Variants in ACSL4 observed in about 807,000 individuals in gnomAD.
The protein encoded by ACSL4 is acyl-CoA synthetase long chain family member 4, also known as long-chain-fatty-acid--CoA ligase 4.
Under a neutral mutation model 49.1 loss-of-function variants are expected in ACSL4, and 9 were observed. That is an observed-to-expected ratio of 0.18 (90% CI 0.11 to 0.32). The LOEUF (loss-of-function observed/expected upper bound fraction) is 0.32. Among genes scored for constraint, ACSL4 ranks in the 10% least tolerant of loss-of-function variants. ACSL4 has a pLI of 1.00. For synonymous variants in ACSL4, 191 were observed against 170.3 expected, an observed-to-expected ratio of 1.12 and a Z score of -0.95; for missense variants, 333 against 493.7, an observed-to-expected ratio of 0.67 and a Z score of 3.08.
At chrX:109,648,202 C>T (rs1303863965) in intron 15 of ACSL4, among the ~76,000 whole-genome samples, 2 of 111,310 alleles carry the variant, frequency 1.8e-5, no homozygotes, top group African/African-American at 6.5e-5. Flanking sequence ...GATACCAAAG[C>T]CTGGCAGAGA....
intron 15 of ACSL4, among the ~76,000 whole-genome samples, chrX:109,648,292 C>T (rs1469682687): frequency 6.3e-5 from 7 of 111,214 alleles, no homozygotes; most frequent in East Asian, 2.8e-4. Flanking sequence ...ACTGGCAAAC[C>T]GAATCCAGCA....
At chrX:109,645,897 C>A (rs542444786) in intron 15 of ACSL4, among the ~76,000 whole-genome samples, 2 of 111,856 alleles carry the variant, frequency 1.8e-5, no homozygotes, top group Admixed American at 1.9e-4. Context: ...GGAGCCGATG[C>A]GATCAACTGG....
At chrX:109,666,702 G>T (rs921267055) in intron 11 of ACSL4, among the ~76,000 whole-genome samples, 6 of 111,907 alleles carry the variant, frequency 5.4e-5, no homozygotes, top group Non-Finnish European at 1.1e-4. Flanking sequence ...ATCACCTGAG[G>T]TCAGGAGTTC....
chrX:109,729,270 A>G (rs1928247560), intron 1 of ACSL4, among the ~76,000 whole-genome samples: 1 of 112,038 alleles, frequency 8.9e-6, no homozygotes, highest in South Asian at 3.7e-4. Flanking sequence ...ATCCAAATAG[A>G]AAATGGACAA....
chrX:109,711,029 A>G lies in ACSL4; in HGVS notation c.-65-14833T>C, dbSNP rs143322798. Among the ~76,000 whole-genome samples the G allele has an allele frequency of 5.1e-3, 581 of 112,938 alleles. 3 individuals carry two copies. Among genetic ancestry groups the G allele is most frequent in the African/African-American group, 0.018 (552 of 31,116 alleles). On this transcript the variant is annotated intron_variant, in intron 1 of 15. Coordinates refer to ENST00000672401, the MANE Select transcript of ACSL4 (RefSeq NM_001318510.2). ...CTCAGCCTAACTTTAAAAATCAGAG[A>G]AAAGGATATTGCCAAGTTAACTTTA...
chrX:109,660,599 G>A (rs1369227156), intron 14 of ACSL4, among the ~76,000 whole-genome samples: 1 of 111,724 alleles, frequency 9.0e-6, no homozygotes, highest in Admixed American at 9.5e-5. Flanking sequence ...CCACATAATT[G>A]AAAGCAGGAT....
At chrX:109,713,393 T>G (rs1201387795) in intron 1 of ACSL4, among the ~76,000 whole-genome samples, 3 of 112,040 alleles carry the variant, frequency 2.7e-5, no homozygotes, top group African/African-American at 9.7e-5. Flanking sequence ...TCCTGGAAGG[T>G]AAGTTTGTCA....
chrX:109,722,418 C>A (rs973167358), intron 1 of ACSL4, among the ~76,000 whole-genome samples: 4 of 111,848 alleles, frequency 3.6e-5, no homozygotes, highest in African/African-American at 9.7e-5. Flanking sequence ...CAAAAGAATA[C>A]AACTACACAC....
At chrX:109,681,858 T>C (rs1178433188) in intron 4 of ACSL4, among the ~76,000 whole-genome samples, 3 of 111,854 alleles carry the variant, frequency 2.7e-5, no homozygotes, top group African/African-American at 9.7e-5. Flanking sequence ...GAGTCCAATG[T>C]CCAATGTGAT....
Position 109,661,587 on chromosome X carries a change from T to C in ACSL4, c.1641A>G (p.Val547=), listed in dbSNP as rs17853346. 3 of 1,209,679 alleles carry C rather than the reference T, an allele frequency of 2.5e-6. No homozygotes were observed. The highest frequency in any genetic ancestry group is 3.4e-6 in the Non-Finnish European group (3 of 893,797). The change falls in exon 14 of 16, where the codon GTA becomes GTG. Residue 547 remains valine, a synonymous_variant. Coordinates refer to ENST00000672401, the MANE Select transcript of ACSL4 (RefSeq NM_001318510.2). ...GTGGACAATTCTTCAGTGCAGCTTC[T>C]ACTTTCCCAAGAGATACATACTCTC... ...QAGEYVSLGK[V]EAALKNCPLI...
chrX:109,661,970 G>C (rs1922213763), intron 13 of ACSL4, among the ~76,000 whole-genome samples: 1 of 110,573 alleles, frequency 9.0e-6, no homozygotes, highest in Admixed American at 9.6e-5. Flanking sequence ...AGGGAACTAG[G>C]ACTTTGGAAC....
At chrX:109,658,578 T>C (rs1921888954) in intron 15 of ACSL4, among the ~76,000 whole-genome samples, 1 of 112,309 alleles carries the variant, frequency 8.9e-6, no homozygotes, top group Non-Finnish European at 1.9e-5. Flanking sequence ...TACTTTGCAC[T>C]GTACCGGTAA....
At chrX:109,705,047 G>A (rs758375789) in intron 1 of ACSL4, among the ~76,000 whole-genome samples, 5 of 111,282 alleles carry the variant, frequency 4.5e-5, no homozygotes, top group Admixed American at 1.9e-4. Flanking sequence ...GATTCTCTCC[G>A]AACTCATTGA....
chrX:109,693,726 A>G (rs759152518), intron 2 of ACSL4, among the ~76,000 whole-genome samples: 2 of 111,913 alleles, frequency 1.8e-5, no homozygotes, highest in Non-Finnish European at 1.9e-5. Context: ...ATATTTTGGG[A>G]AAGTTCAGAC....
chrX:109,646,198 C>G (rs1347168816), intron 15 of ACSL4, among the ~76,000 whole-genome samples: 3 of 111,016 alleles, frequency 2.7e-5, no homozygotes, highest in Non-Finnish European at 5.7e-5. Flanking sequence ...TCGAGAAGAG[C>G]AACTCCAAGA....
intron 14 of ACSL4, among the ~76,000 whole-genome samples, chrX:109,660,329 A>G (rs775290413): frequency 4.1e-4 from 46 of 112,058 alleles, no homozygotes; most frequent in Middle Eastern, 4.6e-3. Flanking sequence ...CAACAATCAT[A>G]GGAAAAGGTG....
At chrX:109,683,828 T>C (rs1924379645) in intron 2 of ACSL4, among the ~76,000 whole-genome samples, 1 of 112,710 alleles carries the variant, frequency 8.9e-6, no homozygotes, top group African/African-American at 3.2e-5. Context: ...AAATAACTGG[T>C]CTGAAAGGCT....
chrX:109,697,686 G>T (rs1925546834), intron 1 of ACSL4, among the ~76,000 whole-genome samples: 1 of 80,488 alleles, frequency 1.2e-5, no homozygotes, highest in African/African-American at 4.5e-5. Flanking sequence ...TTTTCTTCCA[G>T]AAGGCTAACA....
chrX:109,645,091 G>C (rs1178795592), intron 15 of ACSL4, among the ~76,000 whole-genome samples: 2 of 112,354 alleles, frequency 1.8e-5, no homozygotes, highest in Admixed American at 9.3e-5. Flanking sequence ...AGGGAGGCTG[G>C]GGGAGGGGCG....
Sources: allele counts gnomAD v4.1 joint callset (sites outside exome capture counted in the v4.1 genomes callset), GRCh38; gene constraint gnomAD v4.1.1; transcripts MANE v1.5; gene names NCBI Gene and HGNC (gene_info 2026-07-23, HGNC 2026-07-21).